The following NOL4 variants were observed in gnomAD, a reference collection of about 807,000 sequenced individuals.
NOL4 encodes the protein nucleolar protein 4.
A neutral mutation model predicts 75.9 loss-of-function variants in NOL4; 17 were observed. The ratio of observed to expected loss-of-function variants is 0.22; its 90% CI spans 0.15 to 0.34. The LOEUF (loss-of-function observed/expected upper bound fraction) is 0.34, where lower values mean the gene tolerates loss of function less well. Among genes scored for constraint, NOL4 ranks in the 10% least tolerant of loss-of-function variants. The probability of loss-of-function intolerance (pLI) is 1.00; values close to 1 mark genes in which losing one functional copy is unlikely to be tolerated. For missense variants in NOL4, 614 were observed against 793.5 expected, an observed-to-expected ratio of 0.77 and a Z score of 2.72; for synonymous variants, 292 against 289.9, an observed-to-expected ratio of 1.01 and a Z score of -0.07.
At chr18:33,883,081 A>T (rs1388792783) in intron 10 of NOL4, among the ~76,000 whole-genome samples, 163 bp downstream of exon 10, 1 of 152,132 alleles carries the variant, frequency 6.6e-6, no homozygotes, top group African/African-American at 2.4e-5. Context: ...GGGGAGCGAT[A>T]GCATTGGGAG....
chr18:34,117,570 A>G (rs187373491), intron 2 of NOL4, among the ~76,000 whole-genome samples: 61 of 152,320 alleles, frequency 4.0e-4, no homozygotes, highest in Admixed American at 1.5e-3. Context: ...AAAGTTTCTC[A>G]AGAACAAGTC....
chr18:34,001,023 TCA>T (rs2073659629), intron 6 of NOL4, among the ~76,000 whole-genome samples: 1 of 152,144 alleles, frequency 6.6e-6, no homozygotes, highest in African/African-American at 2.4e-5. Context: ...TGGTAGGTCC[TCA>T]CAGAAAAACA....
At chr18:34,011,495 T>A (rs12327082) in intron 6 of NOL4, among the ~76,000 whole-genome samples, 61,460 of 151,474 alleles carry the variant, frequency 0.41, 12,966 homozygotes, top group Non-Finnish European at 0.47. Context: ...CTTCTGAGTA[T>A]TTAAAATATA....
intron 5 of NOL4, among the ~76,000 whole-genome samples, chr18:34,072,975 G>T (rs1347429336): frequency 6.6e-6 from 1 of 152,100 alleles, no homozygotes; most frequent in Non-Finnish European, 1.5e-5. Context: ...AGTTTTATAT[G>T]CTAGTATTAG....
chr18:34,089,743 T>C (rs2078418389), intron 5 of NOL4, among the ~76,000 whole-genome samples: 1 of 152,134 alleles, frequency 6.6e-6, no homozygotes, highest in Admixed American at 6.6e-5. Context: ...TTTGTCACAG[T>C]TGGGAGAAGG....
intron 9 of NOL4, among the ~76,000 whole-genome samples, chr18:33,907,120 G>A (rs867065054): frequency 5.9e-5 from 9 of 151,822 alleles, no homozygotes; most frequent in Admixed American, 2.0e-4. Context: ...TCAGGAGATC[G>A]AGACCATCCT....
In NOL4 at chr18:34,016,345, C is replaced by T. The variant is rs554759798; in HGVS notation, c.1056+2973G>A. On this transcript the variant is annotated intron_variant, in intron 6 of 10. Transcript: ENST00000261592. ...TGCCTATCCTATTCATTCACCAAAA[C>T]GTTGCCAGAATAATTTTTATAAAAT... Among the ~76,000 whole-genome samples the T allele has an allele frequency of 1.1e-4, 17 of 152,170 alleles. No homozygotes were observed. In the South Asian group the frequency reaches 2.5e-3, roughly 22 times the overall value.
chr18:34,138,920 A>G (rs2081018619), intron 1 of NOL4, among the ~76,000 whole-genome samples: 1 of 152,190 alleles, frequency 6.6e-6, no homozygotes, highest in African/African-American at 2.4e-5. Flanking sequence ...CCTTTTCTGC[A>G]TCTATTGAGA....
At chr18:33,915,434 G>A (rs941442667) in intron 9 of NOL4, among the ~76,000 whole-genome samples, 15 of 152,018 alleles carry the variant, frequency 9.9e-5, no homozygotes, top group African/African-American at 3.4e-4. Flanking sequence ...CTTTCTTTTG[G>A]TTGTGGTAGG....
At chr18:34,094,572 C>G (rs1186925546) in intron 4 of NOL4, among the ~76,000 whole-genome samples, 1 of 152,172 alleles carries the variant, frequency 6.6e-6, no homozygotes, top group African/African-American at 2.4e-5. Context: ...CTGAAGCAAA[C>G]TTCGTTTGGA....
At position 33,883,432 on chromosome 18, in the gene NOL4, G is replaced by A. The variant is rs746418085; in HGVS notation, c.1543-8C>T. 13 of 1,596,458 alleles carry A rather than the reference G, an allele frequency of 8.1e-6. No individual in the cohort carries two copies. Among genetic ancestry groups the A allele is most frequent in the Non-Finnish European group, 1.1e-5 (13 of 1,173,748 alleles). Reference sequence around the variant, plus strand: ...AGCTGGAGCAGACTCATCCTGCAAGGACAGACAGCATTCCATTATTTATCA... The same window carrying A: ...AGCTGGAGCAGACTCATCCTGCAAGAACAGACAGCATTCCATTATTTATCA... On this transcript the variant is annotated splice_region_variant and splice_polypyrimidine_tract_variant and intron_variant, in intron 9 of 10. Transcript: ENST00000261592.
Position 33,868,649 on chromosome 18 carries a change from T to TCACACACACA in NOL4, c.1723+14585_1723+14594dup, listed in dbSNP as rs10669407. ...ATGAAATATTTTAAATTCCTGTATT[T>TCACACACACA]CACACACACACACACACACACACAC... On this transcript the variant is annotated intron_variant, in intron 10 of 10. Transcript: ENST00000261592. 1.8e-3 allele frequency among the ~76,000 whole-genome samples: 252 copies of TCACACACACA among 137,958 alleles called. 1 individual carries two copies. Among genetic ancestry groups the TCACACACACA allele is most frequent in the African/African-American group, 2.2e-3 (82 of 37,460 alleles). The allele number at this position is 137,958 out of a possible 152,430, so 90.5% of individuals were successfully genotyped here. A position where few individuals can be genotyped will look rare whatever the true frequency, so the allele number is the denominator to read the frequency against.
intron 9 of NOL4, among the ~76,000 whole-genome samples, chr18:33,907,307 G>A (rs2066113020): frequency 8.6e-6 from 1 of 116,512 alleles, no homozygotes; most frequent in Non-Finnish European, 1.6e-5. Context: ...CTGGGCGACA[G>A]AGCGAGACTC....
chr18:34,114,411 C>T (rs2079752236), intron 2 of NOL4, among the ~76,000 whole-genome samples: 1 of 152,106 alleles, frequency 6.6e-6, no homozygotes. Flanking sequence ...AAAAAAATCA[C>T]AACTTCCATG....
chr18:34,115,900 G>C (rs946665897), intron 2 of NOL4, among the ~76,000 whole-genome samples: 1 of 152,012 alleles, frequency 6.6e-6, no homozygotes, highest in Admixed American at 6.6e-5. Flanking sequence ...GTGGAGTGGG[G>C]GAATTTGGCA....
At chr18:33,961,945 G>A (rs2070164072) in intron 6 of NOL4, among the ~76,000 whole-genome samples, 1 of 152,130 alleles carries the variant, frequency 6.6e-6, no homozygotes, top group Non-Finnish European at 1.5e-5. Context: ...CACGGGGCCT[G>A]TTATGGTATC....
chr18:33,999,646 C>T (rs1378009588), intron 6 of NOL4, among the ~76,000 whole-genome samples: 1 of 151,960 alleles, frequency 6.6e-6, no homozygotes, highest in African/African-American at 2.4e-5. Context: ...CTATGCCATG[C>T]TCATGAGACA....
chr18:34,111,053 A>T (rs1238409756), intron 2 of NOL4, among the ~76,000 whole-genome samples: 1 of 152,200 alleles, frequency 6.6e-6, no homozygotes, highest in Non-Finnish European at 1.5e-5. Flanking sequence ...CACAAAGAGA[A>T]GGGATAATCT....
At chr18:34,013,732 AT>A (rs1007692423) in intron 6 of NOL4, among the ~76,000 whole-genome samples, 12 of 152,016 alleles carry the variant, frequency 7.9e-5, no homozygotes, top group African/African-American at 2.6e-4. Context: ...ACACAAATCA[AT>A]TTCTGTATTA....
Sources: gnomAD v4.1 joint callset for allele counts (sites outside exome capture counted in the v4.1 genomes callset) on GRCh38, gnomAD v4.1.1 for gene constraint, MANE v1.5 for transcripts, NCBI Gene and HGNC (gene_info 2026-07-23, HGNC 2026-07-21) for gene names.